The following GLIS3 variants were observed in gnomAD, a reference collection of about 807,000 sequenced individuals.
GLIS3 encodes the protein zinc finger protein GLIS3.
In GLIS3, 53 loss-of-function variants were observed where a neutral mutation model predicts 78.6. That is an observed-to-expected ratio of 0.67 (90% CI 0.54 to 0.85). The LOEUF (loss-of-function observed/expected upper bound fraction) is 0.85. Among genes scored for constraint, GLIS3 ranks in the 40% least tolerant of loss-of-function variants. The probability of loss-of-function intolerance (pLI) is 0.00; values close to 1 mark genes in which losing one functional copy is unlikely to be tolerated. For synonymous variants in GLIS3, 684 were observed against 509.9 expected, an observed-to-expected ratio of 1.34 and a Z score of -4.60; for missense variants, 1,703 against 1,231.1, an observed-to-expected ratio of 1.38 and a Z score of -5.74.
At chr9:4,368,494 A>C in the GLIS3 span, among the ~76,000 whole-genome samples, 10 of 152,034 alleles carry the variant, frequency 6.6e-5, no homozygotes, top group African/African-American at 2.4e-4. Flanking sequence ...ACAGGTGCCC[A>C]CCACCACCAC....
chr9:4,231,662 CA>C (rs1481425197), intron 2 of GLIS3, among the ~76,000 whole-genome samples: 1 of 152,120 alleles, frequency 6.6e-6, no homozygotes, highest in Non-Finnish European at 1.5e-5. Flanking sequence ...TCAAGGCCAA[CA>C]ATGTAAAAAT....
intron 8 of GLIS3, among the ~76,000 whole-genome samples, chr9:3,876,692 A>AC (rs1563803043): frequency 3.2e-3 from 1 of 308 alleles, no homozygotes; most frequent in African/African-American, 0.014. Context: ...GAAGGGAGGG[A>AC]GGGGAGGGAG....
At chr9:4,105,463 T>C (rs558911784) in intron 4 of GLIS3, among the ~76,000 whole-genome samples, 2 of 152,290 alleles carry the variant, frequency 1.3e-5, no homozygotes, top group South Asian at 2.1e-4. Flanking sequence ...CTGATGGCAA[T>C]TAGCAAACCA....
chr9:4,211,596 C>G (rs1820379721), intron 2 of GLIS3, among the ~76,000 whole-genome samples: 1 of 152,194 alleles, frequency 6.6e-6, no homozygotes, highest in East Asian at 1.9e-4. Context: ...AATGGTGAAG[C>G]AACTTTGCAA....
chr9:4,196,137 C>A (rs552678251), intron 2 of GLIS3, among the ~76,000 whole-genome samples: 1 of 151,948 alleles, frequency 6.6e-6, no homozygotes, highest in African/African-American at 2.4e-5. Context: ...TCTAGCTAAT[C>A]TAGTGGGGAC....
At chr9:4,135,650 T>C (rs78761419) in intron 2 of GLIS3, among the ~76,000 whole-genome samples, 9,843 of 152,232 alleles carry the variant, frequency 0.065, 522 homozygotes, top group Admixed American at 0.1. Context: ...AAATAAAGAA[T>C]AGAATCTTAG....
chr9:4,052,239 T>C (rs1825797890), intron 4 of GLIS3, among the ~76,000 whole-genome samples: 1 of 152,188 alleles, frequency 6.6e-6, no homozygotes, highest in South Asian at 2.1e-4. Context: ...ATAGGTACAT[T>C]TCGTTTTCAG....
chr9:4,281,962 A>G (rs1162875711), intron 2 of GLIS3, among the ~76,000 whole-genome samples: 1 of 152,216 alleles, frequency 6.6e-6, no homozygotes, highest in Non-Finnish European at 1.5e-5. Context: ...GGGAACCACA[A>G]TCTATGATAT....
chr9:4,353,321 CT>C (rs1294999381), upstream of GLIS3, among the ~76,000 whole-genome samples: 1 of 152,120 alleles, frequency 6.6e-6, no homozygotes, highest in Non-Finnish European at 1.5e-5. Context: ...CATGAAATTG[CT>C]TGCTATATGA....
rs1359917133 is a variant in GLIS3 at position 3,987,774 on chromosome 9, A to AC, written c.1711-50586_1711-50585insG. 1.6e-4 allele frequency among the ~76,000 whole-genome samples: 23 copies of AC among 143,176 alleles called. 1 individual carries two copies. The highest frequency in any genetic ancestry group is 2.2e-4 in the Admixed American group (3 of 13,918). 93.9% of individuals were successfully genotyped at this position (143,176 alleles called of 152,430 possible). A position where few individuals can be genotyped will look rare whatever the true frequency, so the allele number is the denominator to read the frequency against. On this transcript the variant is annotated intron_variant, in intron 4 of 10. Coordinates refer to ENST00000381971, the MANE Select transcript of GLIS3 (RefSeq NM_001042413.2). ...CCCTGGATTTGGCAAAAAAAAAAAA[A>AC]AAAAAAAAAAAAAACAAAACACAAA...
chr9:4,296,259 G>T (rs567425761), intron 1 of GLIS3, among the ~76,000 whole-genome samples: 15 of 148,356 alleles, frequency 1.0e-4, no homozygotes, highest in African/African-American at 3.0e-4. Flanking sequence ...ATGTCCTCAG[G>T]CTTAATTTAC....
chr9:3,906,411 G>T (rs943857857), intron 6 of GLIS3, among the ~76,000 whole-genome samples: 3 of 152,194 alleles, frequency 2.0e-5, no homozygotes, highest in Admixed American at 2.0e-4. Context: ...TCTTTCGAAG[G>T]TCGAGCTGAA....
At chr9:4,035,827 A>C (rs1305105233) in intron 4 of GLIS3, 1 of 152,336 alleles carries the variant, frequency 6.6e-6, no homozygotes, top group East Asian at 1.9e-4. Context: ...ATGCAAGCCC[A>C]CGACACTGAC....
intron 2 of GLIS3, among the ~76,000 whole-genome samples, chr9:4,222,869 G>T (rs1407413529): frequency 6.6e-6 from 1 of 152,198 alleles, no homozygotes; most frequent in African/African-American, 2.4e-5. Flanking sequence ...TTCTCGGGCT[G>T]AAATGCTCAT....
chr9:4,482,186 T>C, the GLIS3 span, among the ~76,000 whole-genome samples: 1 of 152,204 alleles, frequency 6.6e-6, no homozygotes, highest in Non-Finnish European at 1.5e-5. Context: ...TTCTTTCATA[T>C]CCTAAAATGA....
intron 4 of GLIS3, among the ~76,000 whole-genome samples, chr9:3,974,359 C>A (rs898516510): frequency 6.6e-6 from 1 of 152,162 alleles, no homozygotes; most frequent in African/African-American, 2.4e-5. Flanking sequence ...GCAGAGTTAA[C>A]AGTGGGGTTG....
chr9:4,407,520 G>C, the GLIS3 span, among the ~76,000 whole-genome samples: 6 of 152,170 alleles, frequency 3.9e-5, no homozygotes, highest in Non-Finnish European at 7.3e-5. Flanking sequence ...GGTGGCGGGC[G>C]CCTGTAGTCC....
intron 6 of GLIS3, among the ~76,000 whole-genome samples, chr9:3,925,105 T>C (rs1825132053): frequency 6.6e-6 from 1 of 152,186 alleles, no homozygotes; most frequent in Non-Finnish European, 1.5e-5. Flanking sequence ...ATAAAACTAC[T>C]TTGTTACATT....
the GLIS3 span, among the ~76,000 whole-genome samples, chr9:4,374,965 G>C: frequency 2.0e-5 from 3 of 151,750 alleles, no homozygotes; most frequent in East Asian, 3.9e-4. Context: ...TTTACAATTT[G>C]CAACAGTTTG....
Sources: gnomAD v4.1 joint callset for allele counts (sites outside exome capture counted in the v4.1 genomes callset) on GRCh38, gnomAD v4.1.1 for gene constraint, MANE v1.5 for transcripts, NCBI Gene and HGNC (gene_info 2026-07-23, HGNC 2026-07-21) for gene names.